The following TMOD3 variants were observed in gnomAD, a reference collection of about 807,000 sequenced individuals.
The protein encoded by TMOD3 is tropomodulin 3.
Under a neutral mutation model 39.2 loss-of-function variants are expected in TMOD3, and 20 were observed. The ratio of observed to expected loss-of-function variants is 0.51; its 90% CI spans 0.36 to 0.74. TMOD3 has a LOEUF of 0.74. Ranked by LOEUF, TMOD3 falls within the 30% of genes least tolerant of loss-of-function variation. The pLI, the probability that TMOD3 is intolerant of heterozygous loss-of-function variation, is 0.00. For missense variants in TMOD3, 381 were observed against 412.8 expected, an observed-to-expected ratio of 0.92 and a Z score of 0.67; for synonymous variants, 143 against 145.8, an observed-to-expected ratio of 0.98 and a Z score of 0.14.
In TMOD3 at chr15:51,911,426, ATCTT is replaced by A. The variant is rs1222673442; in HGVS notation, c.*2619_*2622del. On this transcript the variant is annotated 3_prime_UTR_variant, in exon 10 of 10. Transcript: ENST00000308580. ...ACATTCATCCAATTGAATTTACAAAATCTTTCCAAAATTATAAGGGAGAAAAATC... is the reference window on the plus strand; with the variant it reads ...ACATTCATCCAATTGAATTTACAAAATCCAAAATTATAAGGGAGAAAAATC... The A allele has an allele frequency of 1.3e-5, 2 of 152,206 alleles. No individual in the cohort carries two copies. Among genetic ancestry groups the A allele is most frequent in the African/African-American group, 4.8e-5 (2 of 41,448 alleles). The allele number at this position is 152,206 out of a possible 1,614,324, so 9.4% of individuals were successfully genotyped here.
rs1178662535 is a variant in TMOD3 at position 51,895,500 on chromosome 15, G to A, written c.628-919G>A. On this transcript the variant is annotated intron_variant, in intron 6 of 9. Coordinates refer to ENST00000308580, the MANE Select transcript of TMOD3 (RefSeq NM_014547.5). ...CTCCCAAACTGCTGGGATTACAGGT[G>A]TGAGCCACTGCGCCCGGCCTATTTT... Among the ~76,000 whole-genome samples the A allele has an allele frequency of 3.9e-5, 6 of 152,214 alleles. No homozygotes were observed. The East Asian group carries it at 1.2e-3, about 29-fold the overall frequency.
chr15:51,875,520 T>A (rs2056497535), intron 3 of TMOD3, among the ~76,000 whole-genome samples: 1 of 151,930 alleles, frequency 6.6e-6, no homozygotes, highest in Non-Finnish European at 1.5e-5. Context: ...ACCGGTTTCA[T>A]GGGGAACATT....
intron 1 of TMOD3, among the ~76,000 whole-genome samples, chr15:51,854,808 G>T (rs550759235): frequency 9.2e-5 from 14 of 152,290 alleles, no homozygotes; most frequent in African/African-American, 3.4e-4. Context: ...AAGTGATCCA[G>T]AGGATCTAGA....
At chr15:51,850,160 G>T (rs1206401688) in intron 1 of TMOD3, among the ~76,000 whole-genome samples, 1 of 152,178 alleles carries the variant, frequency 6.6e-6, no homozygotes, top group East Asian at 1.9e-4. Flanking sequence ...GGGATGTGAA[G>T]TAGAAGGAGA....
rs1343036413 is a variant in TMOD3, at chr15:51,844,873, CT to C, written c.-75+15045del. ...ATTAATACGGTCATACTACTGTTAA[CT>C]TTTTTTTCCCCTCTACTACTTAACA... On this transcript the variant is annotated intron_variant, in intron 1 of 9. Coordinates refer to ENST00000308580, the MANE Select transcript of TMOD3 (RefSeq NM_014547.5). 3.3e-5 allele frequency among the ~76,000 whole-genome samples: 5 copies of C among 152,160 alleles called. 1 individual carries two copies. The highest frequency in any genetic ancestry group is 3.9e-4 in the East Asian group (2 of 5,172).
At chr15:51,839,372 T>C (rs1005360211) in intron 1 of TMOD3, among the ~76,000 whole-genome samples, 1 of 151,848 alleles carries the variant, frequency 6.6e-6, no homozygotes, top group African/African-American at 2.4e-5. Flanking sequence ...GGTCTCTTTA[T>C]GTTACCCAGG....
chr15:51,855,904 G>C (rs2056385482), intron 1 of TMOD3, among the ~76,000 whole-genome samples: 1 of 152,220 alleles, frequency 6.6e-6, no homozygotes. Context: ...TAAAGGATGA[G>C]AGTTGAGAGG....
At chr15:51,844,310 T>G (rs1270427913) in intron 1 of TMOD3, among the ~76,000 whole-genome samples, 1 of 152,140 alleles carries the variant, frequency 6.6e-6, no homozygotes, top group Non-Finnish European at 1.5e-5. Flanking sequence ...TAGACTTTCT[T>G]GAGGTACTAG....
chr15:51,876,460 A>G (rs1009054480), intron 3 of TMOD3, among the ~76,000 whole-genome samples: 1 of 136,392 alleles, frequency 7.3e-6, no homozygotes, highest in Non-Finnish European at 1.6e-5. Flanking sequence ...CAGTGCACCC[A>G]GCGCTTTTTT....
intron 1 of TMOD3, among the ~76,000 whole-genome samples, chr15:51,862,078 C>A (rs12913850): frequency 0.36 from 54,384 of 151,674 alleles, 10,182 homozygotes; most frequent in Admixed American, 0.42. Flanking sequence ...ATGCCAACTT[C>A]TGTGTCTCTA....
Position 51,912,514 on chromosome 15 carries a change from GA to G in TMOD3, c.*3705del, listed in dbSNP as rs2056716882. On this transcript the variant is annotated 3_prime_UTR_variant, in exon 10 of 10. Coordinates refer to ENST00000308580, the MANE Select transcript of TMOD3 (RefSeq NM_014547.5). The stretch of plus-strand genomic sequence containing the variant: ...TTAACTCTTGCTGTCATTAAAATAA[GA>G]TGACAACATTTATGAAGTTTTATAA... 6.6e-6 allele frequency: 1 copy of G among 151,302 alleles called. No homozygotes were observed. Among genetic ancestry groups the G allele is most frequent in the Admixed American group, 6.6e-5 (1 of 15,158 alleles). 9.4% of individuals were successfully genotyped at this position (151,302 alleles called of 1,614,324 possible). A position where few individuals can be genotyped will look rare whatever the true frequency, so the allele number is the denominator to read the frequency against.
chr15:51,859,407 G>A, intron 1 of TMOD3: 1 of 679,868 alleles, frequency 1.5e-6, no homozygotes, highest in Admixed American at 1.8e-5. Flanking sequence ...TCACCATCTT[G>A]CAGGATTCTT....
intron 1 of TMOD3, among the ~76,000 whole-genome samples, chr15:51,832,864 T>A (rs766048506): frequency 3.3e-5 from 5 of 152,252 alleles, no homozygotes; most frequent in Admixed American, 6.5e-5. Flanking sequence ...TTAGGCTGTG[T>A]TGTAGCTGGC....
chr15:51,905,133 T>C lies in TMOD3; in HGVS notation c.1024+3097T>C, dbSNP rs149405847. Among the ~76,000 whole-genome samples, 45 of 152,360 alleles carry C rather than the reference T, an allele frequency of 3.0e-4. No homozygotes were observed. In the East Asian group the frequency reaches 8.3e-3, roughly 28 times the overall value. ...TGTGGATTTTAAGAACTGACTCATA[T>C]CATGATGCTGGCTCCTGAATAAACT... On this transcript the variant is annotated intron_variant, in intron 9 of 9. Transcript: ENST00000308580.
intron 1 of TMOD3, among the ~76,000 whole-genome samples, chr15:51,836,929 C>T (rs113508980): frequency 6.6e-6 from 1 of 151,900 alleles, no homozygotes; most frequent in Non-Finnish European, 1.5e-5. Flanking sequence ...ATGATAACCC[C>T]CTACAAATAA....
At chr15:51,867,792 T>C (rs1274515500) in intron 2 of TMOD3, among the ~76,000 whole-genome samples, 1 of 152,062 alleles carries the variant, frequency 6.6e-6, no homozygotes, top group Non-Finnish European at 1.5e-5. Flanking sequence ...CAGTATCACC[T>C]CTTTGGCTTT....
At chr15:51,905,458 G>C (rs2056673753) in intron 9 of TMOD3, among the ~76,000 whole-genome samples, 1 of 151,284 alleles carries the variant, frequency 6.6e-6, no homozygotes, top group South Asian at 2.1e-4. Flanking sequence ...CTGTACTCCA[G>C]CCTGGGCTAC....
At chr15:51,878,376 A>ATGTGTGTGTGTGTGTGTGTGTGTGTGTG (rs10586896) in intron 3 of TMOD3, among the ~76,000 whole-genome samples, 14 of 147,318 alleles carry the variant, frequency 9.5e-5, no homozygotes, top group African/African-American at 3.3e-4. Flanking sequence ...TTTAAAATAT[A>ATGTGTGTGTGTGTGTGTGTGTGTGTGTG]TGTGTGTGTG....
rs1465177458 is a variant in TMOD3 at position 51,839,401 on chromosome 15, G to C, written c.-75+9565G>C. Among the ~76,000 whole-genome samples, 5 of 152,026 alleles carry C rather than the reference G, an allele frequency of 3.3e-5. No homozygotes were observed. In the South Asian group the frequency reaches 1.0e-3, roughly 32 times the overall value. On this transcript the variant is annotated intron_variant, in intron 1 of 9. Coordinates refer to ENST00000308580, the MANE Select transcript of TMOD3 (RefSeq NM_014547.5). ...ACCCAGGCTAGTCTCAAACTCCTGGGCTCAAGCAGTCCTCCTGCCTTGGCC... is the reference window on the plus strand; with the variant it reads ...ACCCAGGCTAGTCTCAAACTCCTGGCCTCAAGCAGTCCTCCTGCCTTGGCC...
Sources: gnomAD v4.1 joint callset for allele counts (sites outside exome capture counted in the v4.1 genomes callset) on GRCh38, gnomAD v4.1.1 for gene constraint, MANE v1.5 for transcripts, NCBI Gene and HGNC (gene_info 2026-07-23, HGNC 2026-07-21) for gene names.